The following DIP2B variants were observed in gnomAD, a reference collection of about 807,000 sequenced individuals.
DIP2B encodes DIP2 acetate--CoA ligase B (putative), also known as disco-interacting protein 2 homolog B.
DIP2B carries 76 observed loss-of-function variants against 198.0 expected under a neutral mutation model. That is an observed-to-expected ratio of 0.38 (90% CI 0.32 to 0.46). The LOEUF is 0.46. Among genes scored for constraint, DIP2B ranks in the 20% least tolerant of loss-of-function variants. DIP2B has a pLI of 0.99. For synonymous variants in DIP2B, 701 were observed against 739.1 expected, an observed-to-expected ratio of 0.95 and a Z score of 0.84; for missense variants, 1,559 against 1,978.4, an observed-to-expected ratio of 0.79 and a Z score of 4.02.
chr12:50,663,095 G>A (rs916338010), intron 4 of DIP2B, among the ~76,000 whole-genome samples: 1 of 151,024 alleles, frequency 6.6e-6, no homozygotes, highest in Non-Finnish European at 1.5e-5. Flanking sequence ...GTGACAGAGC[G>A]AGACTCCATC....
At chr12:50,623,437 A>ACACACACACTCT (rs1308369241) in intron 1 of DIP2B, among the ~76,000 whole-genome samples, 11 of 57,164 alleles carry the variant, frequency 1.9e-4, no homozygotes, top group African/African-American at 8.1e-4. Context: ...ACACACACAC[A>ACACACACACTCT]CTCTCTCTCT....
intron 30 of DIP2B, among the ~76,000 whole-genome samples, chr12:50,729,636 C>CAA (rs200896829): frequency 2.0e-5 from 3 of 149,128 alleles, no homozygotes; most frequent in African/African-American, 4.9e-5. Context: ...TGCTTAAAAA[C>CAA]AAAAAAAAAC....
intron 1 of DIP2B, among the ~76,000 whole-genome samples, chr12:50,568,024 G>GT (rs893646482): frequency 2.6e-5 from 4 of 152,090 alleles, no homozygotes; most frequent in African/African-American, 7.2e-5. Flanking sequence ...TGAGTTGTTT[G>GT]TTTTTTTAAG....
intron 4 of DIP2B, among the ~76,000 whole-genome samples, chr12:50,668,399 G>T (rs973612197): frequency 2.0e-5 from 3 of 152,188 alleles, no homozygotes; most frequent in African/African-American, 7.2e-5. Flanking sequence ...CCTAGAGTTT[G>T]AATGGAAGAC....
chr12:50,545,685 T>C (rs1289791560), intron 1 of DIP2B, among the ~76,000 whole-genome samples: 1 of 151,576 alleles, frequency 6.6e-6, no homozygotes, highest in African/African-American at 2.4e-5. Flanking sequence ...TTTTTTTTTT[T>C]TTTTTCATAA....
chr12:50,595,053 T>C (rs1460788819), intron 1 of DIP2B, among the ~76,000 whole-genome samples: 1 of 152,256 alleles, frequency 6.6e-6, no homozygotes, highest in Non-Finnish European at 1.5e-5. Flanking sequence ...TAACATGATA[T>C]GTTTTAAAAA....
At position 50,574,034 on chromosome 12, in the gene DIP2B, C is replaced by T. The variant is rs549043665; in HGVS notation, c.101-51942C>T. On this transcript the variant is annotated intron_variant, in intron 1 of 37. Transcript: ENST00000301180. Reference sequence around the variant, plus strand: ...AAGTGAATGGAACATTCAGAATTAACTGTAGTCACAATTGTGTCTTTATTG... The same window carrying T: ...AAGTGAATGGAACATTCAGAATTAATTGTAGTCACAATTGTGTCTTTATTG... Among the ~76,000 whole-genome samples the T allele has an allele frequency of 3.0e-4, 46 of 152,250 alleles. 2 individuals are homozygous for T. The South Asian group carries it at 9.3e-3, about 31-fold the overall frequency.
In DIP2B at chr12:50,740,684, T is replaced by C. The variant is rs1940226230; in HGVS notation, c.4355-732T>C. Among the ~76,000 whole-genome samples, 3 of 152,358 alleles carry C rather than the reference T, an allele frequency of 2.0e-5. No homozygotes were observed. The South Asian group carries it at 6.2e-4, about 32-fold the overall frequency. On this transcript the variant is annotated intron_variant, in intron 36 of 37. Coordinates refer to ENST00000301180, the MANE Select transcript of DIP2B (RefSeq NM_173602.3). Reference sequence around the variant, plus strand: ...AAATCTGCGTTTTTCCAGAAATTACTGCAAAATAATCTTCCTTCCTTCTGT... The same window carrying C: ...AAATCTGCGTTTTTCCAGAAATTACCGCAAAATAATCTTCCTTCCTTCTGT...
chr12:50,609,298 A>G (rs1959011425), intron 1 of DIP2B, among the ~76,000 whole-genome samples: 1 of 152,246 alleles, frequency 6.6e-6, no homozygotes, highest in Non-Finnish European at 1.5e-5. Flanking sequence ...TTGCCACTTG[A>G]CTGAAAATTG....
At chr12:50,577,705 C>T (rs531073297) in intron 1 of DIP2B, among the ~76,000 whole-genome samples, 6 of 151,394 alleles carry the variant, frequency 4.0e-5, no homozygotes, top group African/African-American at 1.2e-4. Flanking sequence ...CTGTGAATCT[C>T]TTTAGTGTCT....
intron 2 of DIP2B, among the ~76,000 whole-genome samples, chr12:50,639,288 A>G (rs138676432): frequency 8.3e-4 from 127 of 152,116 alleles, no homozygotes; most frequent in African/African-American, 2.6e-3. Context: ...ATGGTTGCCA[A>G]CTGAGGTCAT....
intron 1 of DIP2B, among the ~76,000 whole-genome samples, chr12:50,578,546 G>C (rs1958684423): frequency 7.9e-6 from 1 of 126,084 alleles, no homozygotes; most frequent in South Asian, 2.4e-4. Flanking sequence ...CTCGCTCTGT[G>C]GCCCAGGCGG....
chr12:50,701,350 AG>A (rs1293276859), intron 19 of DIP2B, among the ~76,000 whole-genome samples: 1 of 152,172 alleles, frequency 6.6e-6, no homozygotes, highest in African/African-American at 2.4e-5. Context: ...GAAAAGATCT[AG>A]GTTTTAAATT....
intron 12 of DIP2B, among the ~76,000 whole-genome samples, chr12:50,689,267 C>T (rs1330376049): frequency 1.4e-5 from 2 of 146,852 alleles, no homozygotes; most frequent in Non-Finnish European, 3.1e-5. Context: ...GGTGTGGTGG[C>T]ACATGCCTGT....
At chr12:50,593,880 C>T (rs1387188670) in intron 1 of DIP2B, among the ~76,000 whole-genome samples, 3 of 19,952 alleles carry the variant, frequency 1.5e-4, no homozygotes, top group Admixed American at 5.6e-4. Context: ...CCCTCTCCTC[C>T]CCTCTCCTCC....
chr12:50,729,701 T>A (rs1940002115), intron 30 of DIP2B, among the ~76,000 whole-genome samples: 1 of 151,932 alleles, frequency 6.6e-6, no homozygotes, highest in Non-Finnish European at 1.5e-5. Context: ...AGGATCCATA[T>A]TTCCTTTCTG....
At chr12:50,520,435 G>A (rs1958107301) in intron 1 of DIP2B, among the ~76,000 whole-genome samples, 1 of 152,216 alleles carries the variant, frequency 6.6e-6, no homozygotes, top group Non-Finnish European at 1.5e-5. Flanking sequence ...CAAAGACACT[G>A]TCTTAAAATT....
At chr12:50,676,233 T>A (rs1414773796) in intron 7 of DIP2B, among the ~76,000 whole-genome samples, 2 of 152,196 alleles carry the variant, frequency 1.3e-5, no homozygotes, top group African/African-American at 4.8e-5. Context: ...GACAAATAGA[T>A]CTACCTAAGA....
In DIP2B at chr12:50,732,486, G is replaced by A; in HGVS notation, c.3931G>A (p.Ala1311Thr). The change falls in exon 32 of 38, where the codon GCT (alanine) becomes ACT (threonine). Residue 1311 changes from alanine to threonine, a missense_variant. Transcript: ENST00000301180. ...CAAAGACATCGGGCTGTCCCCGCGG[G>A]CTGTCAGCACCACTTTTGGATCAAG... is the stretch of plus-strand genomic sequence containing the variant. ...LFKDIGLSPR[A>T]VSTTFGSRVN... is the part of the protein sequence containing the mutation. 2 of 1,614,198 alleles carry A rather than the reference G, an allele frequency of 1.2e-6. No individual in the cohort carries two copies. The highest frequency in any genetic ancestry group is 1.7e-5 in the Admixed American group (1 of 60,030).
Sources: allele counts gnomAD v4.1 joint callset (sites outside exome capture counted in the v4.1 genomes callset), GRCh38; gene constraint gnomAD v4.1.1; transcripts MANE v1.5; gene names NCBI Gene and HGNC (gene_info 2026-07-23, HGNC 2026-07-21).